Variants in WWOX observed in about 807,000 individuals in gnomAD.
WWOX encodes WW domain-containing oxidoreductase.
WWOX carries 69 observed loss-of-function variants against 46.2 expected under a neutral mutation model. The ratio of observed to expected loss-of-function variants is 1.49; its 90% CI spans 1.23 to 1.82. The LOEUF is 1.82. Among genes scored for constraint, WWOX ranks in the 40% most tolerant of loss-of-function variants. The pLI, the probability that WWOX is intolerant of heterozygous loss-of-function variation, is 0.00. For missense variants in WWOX, 919 were observed against 542.6 expected, an observed-to-expected ratio of 1.69 and a Z score of -6.89; for synonymous variants, 359 against 202.6, an observed-to-expected ratio of 1.77 and a Z score of -6.56.
chr16:79,193,599 A>G (rs1469653178), intron 8 of WWOX, among the ~76,000 whole-genome samples: 1 of 152,184 alleles, frequency 6.6e-6, no homozygotes, highest in Non-Finnish European at 1.5e-5. Context: ...GGATAAAGTA[A>G]GCGTTTCATT....
At chr16:78,875,774 A>G (rs1323464611) in intron 8 of WWOX, among the ~76,000 whole-genome samples, 2 of 152,216 alleles carry the variant, frequency 1.3e-5, no homozygotes, top group East Asian at 3.9e-4. Flanking sequence ...TAGGCTCTGC[A>G]TGTCCTGGAT....
At chr16:78,285,129 C>T (rs1183081863) in intron 5 of WWOX, among the ~76,000 whole-genome samples, 4 of 152,144 alleles carry the variant, frequency 2.6e-5, no homozygotes, top group Non-Finnish European at 4.4e-5. Context: ...GGATCTGTCA[C>T]TCCCTCAGAA....
intron 8 of WWOX, among the ~76,000 whole-genome samples, chr16:78,995,564 TAAAAA>T (rs564449666): frequency 1.4e-5 from 2 of 142,996 alleles, no homozygotes; most frequent in African/African-American, 5.2e-5. Context: ...ACTGTCTTTA[TAAAAA>T]AAAAAGAAAA....
chr16:78,633,443 G>A (rs912678210), intron 8 of WWOX, among the ~76,000 whole-genome samples: 3 of 152,124 alleles, frequency 2.0e-5, no homozygotes, highest in African/African-American at 7.2e-5. Flanking sequence ...AGGTGATACT[G>A]CATTTTGTAC....
intron 8 of WWOX, among the ~76,000 whole-genome samples, chr16:78,974,551 T>G (rs565848899): frequency 6.6e-6 from 1 of 152,336 alleles, no homozygotes; most frequent in East Asian, 1.9e-4. Flanking sequence ...ATGTATTATT[T>G]CCTTAAATAT....
intron 6 of WWOX, among the ~76,000 whole-genome samples, chr16:78,407,541 T>C (rs1404465152): frequency 2.6e-5 from 4 of 152,208 alleles, no homozygotes; most frequent in Non-Finnish European, 5.9e-5. Flanking sequence ...AACCCCATGG[T>C]GGTGTCTACT....
At chr16:79,165,873 C>T (rs542706712) in intron 8 of WWOX, among the ~76,000 whole-genome samples, 4 of 152,190 alleles carry the variant, frequency 2.6e-5, no homozygotes, top group Non-Finnish European at 5.9e-5. Flanking sequence ...TCTAAGCACC[C>T]GTCCCTCTTC....
chr16:78,629,716 A>T lies in WWOX; in HGVS notation c.1056+196964A>T, dbSNP rs956593617. 4.0e-5 allele frequency among the ~76,000 whole-genome samples: 6 copies of T among 151,186 alleles called. No individual in the cohort carries two copies. The South Asian group carries it at 1.1e-3, about 27-fold the overall frequency. ...CTTCCCATCCTGCTTTAGCTAATCA[A>T]CTCTTTCTCATCATTTAGGCTTCAA... On this transcript the variant is annotated intron_variant, in intron 8 of 8. Coordinates refer to ENST00000566780, the MANE Select transcript of WWOX (RefSeq NM_016373.4).
chr16:78,800,369 T>G (rs2050854728), intron 8 of WWOX, among the ~76,000 whole-genome samples: 1 of 152,286 alleles, frequency 6.6e-6, no homozygotes, highest in Admixed American at 6.5e-5. Context: ...AAAATTCCGC[T>G]TGGAATAGAG....
Position 78,433,679 on chromosome 16 carries a change from A to C in WWOX, c.1056+927A>C, listed in dbSNP as rs145428281. On this transcript the variant is annotated intron_variant, in intron 8 of 8. Coordinates refer to ENST00000566780, the MANE Select transcript of WWOX (RefSeq NM_016373.4). ...ACAAAAGAAGAACTATTGCAGGCCT[A>C]TTATCCTCCAGCTGATCTCACGACC... Among the ~76,000 whole-genome samples, 3 of 148,828 alleles carry C rather than the reference A, an allele frequency of 2.0e-5. No homozygotes were observed. The Admixed American group carries it at 2.1e-4, about 10-fold the overall frequency.
At chr16:78,686,866 C>G (rs571968316) in intron 8 of WWOX, among the ~76,000 whole-genome samples, 13 of 152,150 alleles carry the variant, frequency 8.5e-5, no homozygotes, top group Non-Finnish European at 1.6e-4. Flanking sequence ...AGGCAGTGTT[C>G]TTCTTTTCAA....
chr16:78,251,478 G>C (rs1046185999), intron 5 of WWOX, among the ~76,000 whole-genome samples: 3 of 152,102 alleles, frequency 2.0e-5, no homozygotes, highest in Admixed American at 2.0e-4. Context: ...CAGGTGCCAG[G>C]CGTCTCTCAG....
intron 8 of WWOX, among the ~76,000 whole-genome samples, chr16:78,880,571 GTAGA>G (rs1408886064): frequency 2.0e-5 from 3 of 152,292 alleles, no homozygotes; most frequent in East Asian, 3.9e-4. Flanking sequence ...CATTTTGAAG[GTAGA>G]TAGGCAGGTT....
At chr16:78,735,492 T>C (rs890849626) in intron 8 of WWOX, among the ~76,000 whole-genome samples, 1 of 152,110 alleles carries the variant, frequency 6.6e-6, no homozygotes, top group African/African-American at 2.4e-5. Flanking sequence ...TTTGACGTGC[T>C]TGAACTCGAG....
At chr16:78,130,916 T>C (rs921988627) in intron 4 of WWOX, among the ~76,000 whole-genome samples, 2 of 152,178 alleles carry the variant, frequency 1.3e-5, no homozygotes, top group Non-Finnish European at 2.9e-5. Flanking sequence ...GCAACCCTCA[T>C]AGGATGTACT....
chr16:78,502,109 C>G (rs1340954739), intron 8 of WWOX, among the ~76,000 whole-genome samples: 3 of 152,196 alleles, frequency 2.0e-5, no homozygotes, highest in Admixed American at 6.5e-5. Context: ...CCTTCCCAGG[C>G]ACACATCCAC....
intron 8 of WWOX, among the ~76,000 whole-genome samples, chr16:79,111,656 T>C (rs552881037): frequency 2.6e-5 from 4 of 152,222 alleles, no homozygotes; most frequent in Admixed American, 6.5e-5. Flanking sequence ...AAAAGGGCAG[T>C]AGGTAATTCT....
chr16:78,771,675 A>T (rs1020653576), intron 8 of WWOX, among the ~76,000 whole-genome samples: 1 of 152,058 alleles, frequency 6.6e-6, no homozygotes, highest in African/African-American at 2.4e-5. Flanking sequence ...GGAAGGCTGA[A>T]GCAGGAGAAT....
intron 8 of WWOX, among the ~76,000 whole-genome samples, chr16:78,939,071 T>C (rs7185057): frequency 0.64 from 97,221 of 152,152 alleles, 31,170 homozygotes; most frequent in African/African-American, 0.67. Context: ...ATGGAGTGGG[T>C]AGCCACAGGA....
Sources: gnomAD v4.1 joint callset for allele counts (sites outside exome capture counted in the v4.1 genomes callset) on GRCh38, gnomAD v4.1.1 for gene constraint, MANE v1.5 for transcripts, NCBI Gene and HGNC (gene_info 2026-07-23, HGNC 2026-07-21) for gene names.